ALK: variants seen among roughly 807,000 people sequenced by gnomAD.
ALK encodes the protein ALK receptor tyrosine kinase.
A neutral mutation model predicts 163.1 loss-of-function variants in ALK; 74 were observed. The ratio of observed to expected loss-of-function variants is 0.45; its 90% CI spans 0.38 to 0.55. ALK has a LOEUF of 0.55. Ranked by LOEUF, ALK falls within the 20% of genes least tolerant of loss-of-function variation. The pLI, the probability that ALK is intolerant of heterozygous loss-of-function variation, is 0.00. For missense variants in ALK, 2,063 were observed against 2,105.3 expected (o/e 0.98, Z 0.39); for synonymous variants, 960 against 843.2 (o/e 1.14, Z -2.40).
intron 3 of ALK, among the ~76,000 whole-genome samples, chr2:29,613,743 C>T (rs559547283): frequency 7.2e-4 from 110 of 152,272 alleles, no homozygotes; most frequent in Non-Finnish European, 3.4e-4. Flanking sequence ...TACCATAAAA[C>T]GAATTTGTAC....
intron 3 of ALK, among the ~76,000 whole-genome samples, chr2:29,681,493 T>A (rs1431547899): frequency 2.0e-5 from 3 of 152,206 alleles, no homozygotes; most frequent in African/African-American, 7.2e-5. Flanking sequence ...TTGCTTTGCG[T>A]ATGTCAGGTC....
At chr2:29,403,335 A>G (rs1373984757) in intron 4 of ALK, among the ~76,000 whole-genome samples, 1 of 152,218 alleles carries the variant, frequency 6.6e-6, no homozygotes, top group Non-Finnish European at 1.5e-5. Context: ...AATTTGCCAC[A>G]GACTCACCTA....
intron 3 of ALK, among the ~76,000 whole-genome samples, chr2:29,537,613 C>G (rs1673295550): frequency 6.6e-6 from 1 of 152,172 alleles, no homozygotes; most frequent in South Asian, 2.1e-4. Context: ...GGGTTGGAGC[C>G]TCTACACAGA....
chr2:29,866,104 A>C (rs561741926), intron 1 of ALK, among the ~76,000 whole-genome samples: 1 of 152,262 alleles, frequency 6.6e-6, no homozygotes, highest in Non-Finnish European at 1.5e-5. Flanking sequence ...CTTTCTCTAC[A>C]GGGGAGAGAA....
chr2:29,780,418 C>T (rs1167790138), intron 1 of ALK, among the ~76,000 whole-genome samples: 2 of 152,238 alleles, frequency 1.3e-5, no homozygotes, highest in Non-Finnish European at 2.9e-5. Context: ...AACTGCATGG[C>T]GTGGGCCTCC....
intron 1 of ALK, 81 bp downstream of exon 1, chr2:29,919,912 G>T: frequency 6.6e-7 from 1 of 1,517,118 alleles, no homozygotes; most frequent in Non-Finnish European, 9.0e-7. Flanking sequence ...AAGTGGGGTG[G>T]AAGTGAAGAT....
At chr2:29,701,102 G>T (rs1343459089) in intron 2 of ALK, among the ~76,000 whole-genome samples, 1 of 152,206 alleles carries the variant, frequency 6.6e-6, no homozygotes, top group Non-Finnish European at 1.5e-5. Flanking sequence ...GGGGAATAGG[G>T]AGCTTGGTGC....
chr2:29,333,948 C>T (rs1161573506), intron 5 of ALK, among the ~76,000 whole-genome samples: 1 of 152,168 alleles, frequency 6.6e-6, no homozygotes, highest in East Asian at 1.9e-4. Context: ...TTCATATTTT[C>T]CTTGGTGATT....
rs566040305 is a variant in ALK at position 29,796,215 on chromosome 2, C to A, written c.668-78518G>T. Among the ~76,000 whole-genome samples, 11 of 152,274 alleles carry A rather than the reference C, an allele frequency of 7.2e-5. No individual in the cohort carries two copies. In the East Asian group the frequency reaches 2.1e-3, roughly 29 times the overall value. Reference sequence around the variant, plus strand: ...AACCATCGGTAGATCTGTAATAAAGCATCCAGTCTCTGTGGCTGTCTTCTT... The same window carrying A: ...AACCATCGGTAGATCTGTAATAAAGAATCCAGTCTCTGTGGCTGTCTTCTT... On this transcript the variant is annotated intron_variant, in intron 1 of 28. Transcript: ENST00000389048.
intron 4 of ALK, among the ~76,000 whole-genome samples, chr2:29,521,470 C>T (rs4365418): frequency 0.14 from 21,236 of 151,894 alleles, 3,677 homozygotes; most frequent in African/African-American, 0.41. Context: ...TTTGTGTAGA[C>T]TTTGTGAAGC....
intron 9 of ALK, among the ~76,000 whole-genome samples, chr2:29,283,729 T>C (rs745501923): frequency 6.6e-6 from 1 of 152,120 alleles, no homozygotes; most frequent in Non-Finnish European, 1.5e-5. Flanking sequence ...TAAGATGTGT[T>C]TTTTTCCCCC....
chr2:29,397,595 G>A (rs531124812), intron 4 of ALK, among the ~76,000 whole-genome samples: 7 of 152,272 alleles, frequency 4.6e-5, no homozygotes, highest in South Asian at 4.1e-4. Context: ...TGCAGACTTC[G>A]GATGAATGGT....
At chr2:29,219,261 C>T (rs113365630) in intron 23 of ALK, among the ~76,000 whole-genome samples, 4 of 152,174 alleles carry the variant, frequency 2.6e-5, no homozygotes, top group Non-Finnish European at 5.9e-5. Context: ...CAGGTATGCT[C>T]AGGTGCACAC....
chr2:29,321,082 C>T (rs966077487), intron 6 of ALK, among the ~76,000 whole-genome samples, 200 bp from the exon 7 acceptor site: 16 of 152,228 alleles, frequency 1.1e-4, no homozygotes, highest in South Asian at 4.1e-4. Context: ...TGCTGGTTTA[C>T]AGTTTTCTTA....
At chr2:29,205,706 T>G (rs1669293011) in intron 26 of ALK, among the ~76,000 whole-genome samples, 1 of 152,126 alleles carries the variant, frequency 6.6e-6, no homozygotes, top group Admixed American at 6.5e-5. Context: ...GGTCCTTCTC[T>G]CTTATAAGGA....
At chr2:29,314,536 G>T (rs915319282) in intron 8 of ALK, among the ~76,000 whole-genome samples, 17 of 152,080 alleles carry the variant, frequency 1.1e-4, no homozygotes, top group African/African-American at 3.9e-4. Context: ...GAGGGGAGAC[G>T]CAACTGCAGC....
chr2:29,524,550 G>C (rs1454356887), intron 4 of ALK, among the ~76,000 whole-genome samples: 1 of 152,212 alleles, frequency 6.6e-6, no homozygotes, highest in Non-Finnish European at 1.5e-5. Context: ...AATATGAATG[G>C]TACAGATCAT....
At chr2:29,547,261 C>G (rs1673580681) in intron 3 of ALK, among the ~76,000 whole-genome samples, 1 of 152,220 alleles carries the variant, frequency 6.6e-6, no homozygotes. Context: ...TTCTTTTAAA[C>G]TCTTCAATTC....
At chr2:29,663,081 C>A (rs1026260031) in intron 3 of ALK, among the ~76,000 whole-genome samples, 1 of 152,134 alleles carries the variant, frequency 6.6e-6, no homozygotes, top group Non-Finnish European at 1.5e-5. Context: ...CTAAACAACA[C>A]GGTCTTCCCA....
Sources: gnomAD v4.1 joint callset for allele counts (sites outside exome capture counted in the v4.1 genomes callset) on GRCh38, gnomAD v4.1.1 for gene constraint, MANE v1.5 for transcripts, NCBI Gene and HGNC (gene_info 2026-07-23, HGNC 2026-07-21) for gene names.